TLN2: variants seen among roughly 807,000 people sequenced by gnomAD.
TLN2 encodes the protein talin 2, also known as talin-2.
TLN2 carries 118 observed loss-of-function variants against 294.7 expected under a neutral mutation model. The observed-to-expected ratio is 0.40, with a 90% CI of 0.34 to 0.47. The LOEUF (loss-of-function observed/expected upper bound fraction) is 0.47, where lower values mean the gene tolerates loss of function less well. Ranked by LOEUF, TLN2 falls within the 20% of genes least tolerant of loss-of-function variation. The pLI, the probability that TLN2 is intolerant of heterozygous loss-of-function variation, is 0.84. For synonymous variants in TLN2, 1,431 were observed against 1,304.5 expected (o/e 1.10, Z -2.09); for missense variants, 3,083 against 3,282.2 (o/e 0.94, Z 1.48).
At chr15:62,722,067 C>A (rs1006456782) in intron 25 of TLN2, among the ~76,000 whole-genome samples, 1 of 152,080 alleles carries the variant, frequency 6.6e-6, no homozygotes, top group Non-Finnish European at 1.5e-5. Context: ...AAGGAACTCT[C>A]TTTGAAATCG....
intron 24 of TLN2, 75 bp from the exon 25 acceptor site, chr15:62,719,692 T>C: frequency 1.6e-6 from 2 of 1,262,620 alleles, no homozygotes; most frequent in Non-Finnish European, 2.1e-6. Context: ...AAAAGCGCAC[T>C]TGGGTCATGG....
chr15:62,585,759 C>A (rs778876105), intron 1 of TLN2, among the ~76,000 whole-genome samples: 11 of 152,148 alleles, frequency 7.2e-5, no homozygotes, highest in Admixed American at 3.9e-4. Context: ...TTGGATAGAT[C>A]TTATCCATAT....
chr15:62,730,541 T>G (rs1314551599), intron 28 of TLN2, among the ~76,000 whole-genome samples: 1 of 152,220 alleles, frequency 6.6e-6, no homozygotes, highest in East Asian at 1.9e-4. Context: ...AGTATTAATC[T>G]ACTGGTGACA....
At chr15:62,836,606 A>G (rs969608265) in intron 57 of TLN2, among the ~76,000 whole-genome samples, 9 of 152,222 alleles carry the variant, frequency 5.9e-5, no homozygotes, top group South Asian at 2.1e-4. Flanking sequence ...CTGAAATTCT[A>G]TGAGACTGTT....
At chr15:62,776,012 C>G (rs2063699140) in intron 42 of TLN2, among the ~76,000 whole-genome samples, 1 of 152,200 alleles carries the variant, frequency 6.6e-6, no homozygotes, top group Admixed American at 6.5e-5. Flanking sequence ...AGCAGTGGAG[C>G]CAGAACTAGA....
chr15:62,663,193 C>T (rs1567293613), intron 9 of TLN2, among the ~76,000 whole-genome samples: 1 of 151,938 alleles, frequency 6.6e-6, no homozygotes, highest in Non-Finnish European at 1.5e-5. Flanking sequence ...ATATAGTTTA[C>T]CATGTGCGAT....
At chr15:62,819,431 C>T (rs2067376387) in intron 52 of TLN2, 85 bp from the exon 53 acceptor site, 2 of 1,153,404 alleles carry the variant, frequency 1.7e-6, no homozygotes, top group African/African-American at 1.5e-5. Flanking sequence ...CTGCCTGACT[C>T]CACATCCAGC....
intron 1 of TLN2, among the ~76,000 whole-genome samples, chr15:62,589,196 C>CTTT (rs2045897561): frequency 6.6e-6 from 1 of 152,062 alleles, no homozygotes; most frequent in African/African-American, 2.4e-5. Flanking sequence ...TTCCATGGAG[C>CTTT]AAGTTCCCAG....
At chr15:62,722,141 C>CT (rs1258010992) in intron 25 of TLN2, among the ~76,000 whole-genome samples, 3 of 152,132 alleles carry the variant, frequency 2.0e-5, no homozygotes, top group Non-Finnish European at 2.9e-5. Context: ...ATGACACCTC[C>CT]TTTTTTTCTT....
intron 3 of TLN2, among the ~76,000 whole-genome samples, chr15:62,636,447 T>G (rs1184582131): frequency 6.6e-6 from 1 of 152,172 alleles, no homozygotes; most frequent in Non-Finnish European, 1.5e-5. Context: ...AATGGAAAGT[T>G]TAGTCAGGTT....
At chr15:62,448,930 C>T (rs1390454041) in intron 1 of TLN2, among the ~76,000 whole-genome samples, 1 of 152,164 alleles carries the variant, frequency 6.6e-6, no homozygotes, top group Admixed American at 6.5e-5. Context: ...AGAGAGAGGG[C>T]ATTAGTTGCA....
intron 3 of TLN2, among the ~76,000 whole-genome samples, chr15:62,631,956 C>A (rs2049940695): frequency 6.6e-6 from 1 of 152,138 alleles, no homozygotes; most frequent in Non-Finnish European, 1.5e-5. Context: ...ACCTCAGTTT[C>A]ATCAGGAGCT....
Position 62,574,579 on chromosome 15 carries a change from CAAAAAAAAAAAAAAAAAAAAAAAA to C in TLN2, c.-237-15091_-237-15068del, listed in dbSNP as rs56279063. Among the ~76,000 whole-genome samples the C allele has an allele frequency of 4.8e-3, 222 of 46,484 alleles. 1 individual carries two copies. The highest frequency in any genetic ancestry group is 0.013 in the East Asian group (14 of 1,112). The allele number at this position is 46,484 out of a possible 152,430, so 30.5% of individuals were successfully genotyped here. A position where few individuals can be genotyped will look rare whatever the true frequency, so the allele number is the denominator to read the frequency against. On this transcript the variant is annotated intron_variant, in intron 1 of 58. Transcript: ENST00000636159. ...TGGGCAACAGGATGAGACCCTGTCT[CAAAAAAAAAAAAAAAAAAAAAAAA>C]AAAAAAAAAAAAAAAAGACTATTTC...
intron 54 of TLN2, chr15:62,829,337 G>A (rs543114480): frequency 1.1e-4 from 16 of 152,166 alleles, no homozygotes; most frequent in South Asian, 4.2e-4. Context: ...GGCGGAAAGC[G>A]AAGGGGAAGC....
chr15:62,736,512 TGAGAA>T (rs1364285888), intron 28 of TLN2, among the ~76,000 whole-genome samples: 1 of 152,076 alleles, frequency 6.6e-6, no homozygotes, highest in Non-Finnish European at 1.5e-5. Context: ...GAAAGGCAAT[TGAGAA>T]GAAAGGTGCT....
At chr15:62,699,527 T>C (rs1250345333) in intron 16 of TLN2, among the ~76,000 whole-genome samples, 2 of 151,952 alleles carry the variant, frequency 1.3e-5, no homozygotes, top group Non-Finnish European at 2.9e-5. Flanking sequence ...CAAGGTAGGG[T>C]GATTAACCCA....
chr15:62,577,681 T>C (rs998990329), intron 1 of TLN2, among the ~76,000 whole-genome samples: 1 of 152,054 alleles, frequency 6.6e-6, no homozygotes, highest in Non-Finnish European at 1.5e-5. Context: ...GTTTTGTATA[T>C]ATTTAACTTA....
At chr15:62,696,418 A>G (rs996047645) in intron 14 of TLN2, among the ~76,000 whole-genome samples, 2 of 152,322 alleles carry the variant, frequency 1.3e-5, no homozygotes, top group African/African-American at 2.4e-5. Flanking sequence ...AAAAAATGCA[A>G]TTTTTTGGCT....
At position 62,465,052 on chromosome 15, in the gene TLN2, C is replaced by T. The variant is rs567609400; in HGVS notation, c.-238+74367C>T. Reference sequence around the variant, plus strand: ...CTTAAATGATCTTTAGATTTCCTCTCTCATTTGCTCTAATGGATAATGCAT... The same window carrying T: ...CTTAAATGATCTTTAGATTTCCTCTTTCATTTGCTCTAATGGATAATGCAT... On this transcript the variant is annotated intron_variant, in intron 1 of 58. Coordinates refer to ENST00000636159, the MANE Select transcript of TLN2 (RefSeq NM_015059.3). Among the ~76,000 whole-genome samples the T allele has an allele frequency of 1.7e-4, 25 of 147,558 alleles. 1 individual carries two copies. In the South Asian group the frequency reaches 5.1e-3, roughly 30 times the overall value.
Sources: gnomAD v4.1 joint callset for allele counts (sites outside exome capture counted in the v4.1 genomes callset) on GRCh38, gnomAD v4.1.1 for gene constraint, MANE v1.5 for transcripts, NCBI Gene and HGNC (gene_info 2026-07-23, HGNC 2026-07-21) for gene names.